Variants in SCFD2 observed in about 807,000 individuals in gnomAD.
The protein encoded by SCFD2 is sec1 family domain-containing protein 2.
SCFD2 carries 54 observed loss-of-function variants against 58.9 expected under a neutral mutation model. The ratio of observed to expected loss-of-function variants is 0.92; its 90% CI spans 0.74 to 1.15. SCFD2 has a LOEUF of 1.15. SCFD2 is among the 50% of genes most tolerant of loss of function. The pLI is 0.00. For synonymous variants in SCFD2, 321 were observed against 335.9 expected, an observed-to-expected ratio of 0.96 and a Z score of 0.49; for missense variants, 805 against 836.6, an observed-to-expected ratio of 0.96 and a Z score of 0.47.
In SCFD2 at chr4:53,182,652, T is replaced by C. The variant is rs182736307; in HGVS notation, c.1312-37070A>G. On this transcript the variant is annotated intron_variant, in intron 4 of 8. Transcript: ENST00000401642. ...GGCAACAAAAGCCAAAATTGACAAA[T>C]GGGATCTCATTAAACTAAAGAGCTT... Among the ~76,000 whole-genome samples the C allele has an allele frequency of 2.0e-3, 309 of 152,240 alleles. 1 individual carries two copies. Among genetic ancestry groups the C allele is most frequent in the African/African-American group, 7.1e-3 (296 of 41,540 alleles).
At chr4:53,213,924 C>T (rs568686545) in intron 4 of SCFD2, among the ~76,000 whole-genome samples, 12 of 152,016 alleles carry the variant, frequency 7.9e-5, no homozygotes, top group South Asian at 2.1e-4. Flanking sequence ...TTTGTCCTTG[C>T]GATAGTTTGC....
chr4:53,236,884 C>G (rs991128579), intron 4 of SCFD2, among the ~76,000 whole-genome samples: 4 of 150,564 alleles, frequency 2.7e-5, no homozygotes, highest in South Asian at 2.1e-4. Context: ...GTGTTTCTCA[C>G]AGAGGGGGAT....
chr4:52,886,155 C>T (rs1214311691), intron 7 of SCFD2, among the ~76,000 whole-genome samples: 2 of 152,180 alleles, frequency 1.3e-5, no homozygotes, highest in African/African-American at 4.8e-5. Flanking sequence ...TTTACATATA[C>T]CTACCCTTCC....
chr4:52,976,407 T>C (rs944121857), intron 5 of SCFD2, among the ~76,000 whole-genome samples: 1 of 152,168 alleles, frequency 6.6e-6, no homozygotes, highest in East Asian at 1.9e-4. Flanking sequence ...TTTAAAGTCA[T>C]GGAAAATTCT....
intron 4 of SCFD2, chr4:53,265,605 A>G (rs1730961469): frequency 6.6e-6 from 1 of 152,160 alleles, no homozygotes; most frequent in Admixed American, 6.5e-5. Context: ...TTTGCTGTGT[A>G]ATTTTGACAA....
chr4:53,072,850 C>T (rs1427503646), intron 5 of SCFD2, among the ~76,000 whole-genome samples: 3 of 150,054 alleles, frequency 2.0e-5, no homozygotes, highest in African/African-American at 2.4e-5. Context: ...CTTGTGTGTC[C>T]GCATCCTAGT....
At chr4:53,180,577 T>C (rs12647441) in intron 4 of SCFD2, among the ~76,000 whole-genome samples, 17,262 of 151,708 alleles carry the variant, frequency 0.11, 1,070 homozygotes, top group East Asian at 0.24. Flanking sequence ...CACCCTAACA[T>C]CACAATTAAA....
At chr4:53,049,238 C>A (rs890276533) in intron 5 of SCFD2, among the ~76,000 whole-genome samples, 2 of 152,192 alleles carry the variant, frequency 1.3e-5, no homozygotes, top group African/African-American at 4.8e-5. Context: ...CCAAGAATGT[C>A]TGCCCAGCCT....
intron 6 of SCFD2, among the ~76,000 whole-genome samples, chr4:52,914,189 C>T (rs1484211597): frequency 6.6e-6 from 1 of 152,118 alleles, no homozygotes; most frequent in Non-Finnish European, 1.5e-5. Context: ...TTGCTTATGA[C>T]AAAAATGACC....
intron 5 of SCFD2, among the ~76,000 whole-genome samples, chr4:53,048,842 C>T (rs1449228603): frequency 1.3e-5 from 2 of 152,158 alleles, no homozygotes; most frequent in Admixed American, 1.3e-4. Flanking sequence ...CATCCTCTGC[C>T]TCCCCATTTC....
intron 5 of SCFD2, among the ~76,000 whole-genome samples, chr4:53,144,816 C>G (rs929541044): frequency 3.3e-5 from 5 of 152,034 alleles, no homozygotes; most frequent in African/African-American, 1.2e-4. Flanking sequence ...CACTACCATG[C>G]CATTGCAGAA....
At chr4:53,236,641 C>G (rs1415201025) in intron 4 of SCFD2, among the ~76,000 whole-genome samples, 1 of 149,804 alleles carries the variant, frequency 6.7e-6, no homozygotes, top group Non-Finnish European at 1.5e-5. Context: ...AATAAAATGT[C>G]TGGCATGTTT....
rs1279090858 is a variant in SCFD2 at position 53,332,311 on chromosome 4, C to A, written c.1008-18548G>T. ...CACAACCAAAAAAGAGAATTTTAGA[C>A]CAATAGCCTTGATGAACATTGATGC... is the stretch of plus-strand genomic sequence containing the variant. On this transcript the variant is annotated intron_variant, in intron 2 of 8. Coordinates refer to ENST00000401642, the MANE Select transcript of SCFD2 (RefSeq NM_152540.4). Among the ~76,000 whole-genome samples the A allele has an allele frequency of 4.4e-4, 67 of 151,814 alleles. 1 individual carries two copies. Among genetic ancestry groups the A allele is most frequent in the East Asian group, 3.9e-4 (2 of 5,182 alleles).
intron 5 of SCFD2, among the ~76,000 whole-genome samples, chr4:52,991,143 T>C (rs1721603999): frequency 6.6e-6 from 1 of 152,174 alleles, no homozygotes. Context: ...GTTTTCAGGT[T>C]AATATGGTGA....
intron 5 of SCFD2, among the ~76,000 whole-genome samples, chr4:53,105,828 C>T (rs1022159225): frequency 6.6e-6 from 1 of 152,176 alleles, no homozygotes; most frequent in Non-Finnish European, 1.5e-5. Context: ...ACACAGTGCT[C>T]GTGCTCTGCT....
At chr4:52,897,516 C>T (rs954338748) in intron 7 of SCFD2, among the ~76,000 whole-genome samples, 9 of 152,160 alleles carry the variant, frequency 5.9e-5, no homozygotes, top group Non-Finnish European at 1.3e-4. Flanking sequence ...CCCAGTTGAT[C>T]ATGGTGGATA....
intron 5 of SCFD2, chr4:52,949,091 C>G (rs957365995): frequency 1.3e-5 from 2 of 152,656 alleles, no homozygotes; most frequent in African/African-American, 4.8e-5. Flanking sequence ...GGTGACCTCA[C>G]CAGTGCTCCA....
At chr4:53,358,973 T>A (rs2149171385) in intron 1 of SCFD2, among the ~76,000 whole-genome samples, 1 of 152,304 alleles carries the variant, frequency 6.6e-6, no homozygotes, top group Middle Eastern at 3.4e-3. Context: ...TGAGTGCTTA[T>A]CAACTGGATA....
At chr4:53,052,745 C>T (rs1398970274) in intron 5 of SCFD2, among the ~76,000 whole-genome samples, 3 of 152,098 alleles carry the variant, frequency 2.0e-5, no homozygotes, top group Non-Finnish European at 2.9e-5. Context: ...TTTAGGTCAA[C>T]AATTGAAACA....
Sources: gnomAD v4.1 joint callset for allele counts (sites outside exome capture counted in the v4.1 genomes callset) on GRCh38, gnomAD v4.1.1 for gene constraint, MANE v1.5 for transcripts, NCBI Gene and HGNC (gene_info 2026-07-23, HGNC 2026-07-21) for gene names.